Variants in AGBL4 observed in about 807,000 individuals in gnomAD.
The protein encoded by AGBL4 is AGBL carboxypeptidase 4.
AGBL4 carries 58 observed loss-of-function variants against 66.4 expected under a neutral mutation model. The observed-to-expected ratio is 0.87, with a 90% CI of 0.71 to 1.09. AGBL4 has a LOEUF of 1.09. AGBL4 is among the 50% of genes least tolerant of loss of function. The pLI is 0.00. For missense variants in AGBL4, 579 were observed against 631.0 expected, an observed-to-expected ratio of 0.92 and a Z score of 0.88; for synonymous variants, 234 against 222.9, an observed-to-expected ratio of 1.05 and a Z score of -0.44.
At chr1:49,442,573 AATAAC>A (rs1337436844) in intron 3 of AGBL4, among the ~76,000 whole-genome samples, 1 of 152,216 alleles carries the variant, frequency 6.6e-6, no homozygotes, top group Non-Finnish European at 1.5e-5. Flanking sequence ...CATTGCTGCA[AATAAC>A]ATGATTTCAC....
chr1:48,884,301 T>TTTTTGTTTTG (rs59795430), intron 5 of AGBL4, among the ~76,000 whole-genome samples: 9 of 151,298 alleles, frequency 5.9e-5, no homozygotes, highest in African/African-American at 1.2e-4. Context: ...TTTGTTTGTT[T>TTTTTGTTTTG]TTTTGTTTTG....
At chr1:49,732,001 G>T (rs1337007221) in intron 2 of AGBL4, among the ~76,000 whole-genome samples, 1 of 152,182 alleles carries the variant, frequency 6.6e-6, no homozygotes, top group Non-Finnish European at 1.5e-5. Context: ...TGAAAAATCT[G>T]CTATGTAAGG....
intron 5 of AGBL4, among the ~76,000 whole-genome samples, chr1:48,987,417 T>A (rs1660263420): frequency 6.6e-6 from 1 of 151,982 alleles, no homozygotes; most frequent in Non-Finnish European, 1.5e-5. Context: ...TTACCAGGGA[T>A]AAAGAGAGTA....
At chr1:49,045,530 A>C in intron 5 of AGBL4, 54 bp downstream of exon 5, 1 of 1,514,628 alleles carries the variant, frequency 6.6e-7, no homozygotes, top group Non-Finnish European at 9.0e-7. Context: ...TTAAGTCCCT[A>C]TCCCAAGTTT....
intron 4 of AGBL4, among the ~76,000 whole-genome samples, chr1:49,058,144 G>C (rs554753233): frequency 6.6e-6 from 1 of 152,316 alleles, no homozygotes; most frequent in African/African-American, 2.4e-5. Context: ...CTACAGTGCA[G>C]AATCCTGCAA....
chr1:49,840,211 TTCC>T (rs1331182700), intron 2 of AGBL4, among the ~76,000 whole-genome samples: 1 of 152,166 alleles, frequency 6.6e-6, no homozygotes, highest in African/African-American at 2.4e-5. Flanking sequence ...CATAGTGTGC[TTCC>T]AGGAATTTAA....
chr1:49,747,973 T>C (rs936378382), intron 2 of AGBL4, among the ~76,000 whole-genome samples: 13 of 150,412 alleles, frequency 8.6e-5, no homozygotes, highest in African/African-American at 2.7e-4. Flanking sequence ...TGTGTGTGTG[T>C]GCATGCAGAC....
chr1:49,021,362 GT>G, intron 5 of AGBL4, among the ~76,000 whole-genome samples: 1 of 152,254 alleles, frequency 6.6e-6, no homozygotes, highest in South Asian at 2.1e-4. Context: ...GAACGTTTGT[GT>G]CCCCTTCCCT....
chr1:49,403,473 G>A lies in AGBL4; in HGVS notation c.283-157609C>T, dbSNP rs111410513. On this transcript the variant is annotated intron_variant, in intron 3 of 13. Transcript: ENST00000371839. ...TTTAATCTCTCTGTTAAATTTATCT[G>A]TTAGAATTCTAAATTCCTTCTCTGT... 8.7e-3 allele frequency among the ~76,000 whole-genome samples: 1,319 copies of A among 152,124 alleles called. 15 individuals carry two copies. Among genetic ancestry groups the A allele is most frequent in the African/African-American group, 0.031 (1,266 of 41,500 alleles).
intron 3 of AGBL4, among the ~76,000 whole-genome samples, chr1:49,658,058 G>C (rs1646183736): frequency 6.6e-6 from 1 of 152,140 alleles, no homozygotes. Context: ...ACTACCATCA[G>C]AGTGAATAGG....
At chr1:49,917,571 A>C (rs866861058) in intron 1 of AGBL4, among the ~76,000 whole-genome samples, 50 of 152,194 alleles carry the variant, frequency 3.3e-4, no homozygotes, top group Non-Finnish European at 5.1e-4. Flanking sequence ...CAGGAGCACC[A>C]AGATTCATAA....
intron 3 of AGBL4, among the ~76,000 whole-genome samples, chr1:49,603,926 GTATACACACACA>G (rs1173901578): frequency 1.9e-5 from 2 of 106,040 alleles, no homozygotes; most frequent in Admixed American, 2.3e-4. Flanking sequence ...GTATTCCATG[GTATACACACACA>G]CACACACACA....
intron 3 of AGBL4, among the ~76,000 whole-genome samples, chr1:49,499,239 T>G (rs1647898295): frequency 6.6e-6 from 1 of 152,128 alleles, no homozygotes; most frequent in South Asian, 2.1e-4. Flanking sequence ...TTCTCAACAT[T>G]TGTGTGTTCA....
At chr1:49,749,369 CTG>C (rs1651267005) in intron 2 of AGBL4, among the ~76,000 whole-genome samples, 1 of 152,070 alleles carries the variant, frequency 6.6e-6, no homozygotes, top group Non-Finnish European at 1.5e-5. Context: ...GTCTACATAT[CTG>C]TTTTGGTACC....
chr1:49,162,662 T>C (rs1305358531), intron 4 of AGBL4, among the ~76,000 whole-genome samples: 1 of 152,076 alleles, frequency 6.6e-6, no homozygotes, highest in Admixed American at 6.6e-5. Context: ...AGTAGACAGG[T>C]TTTGGACTTT....
At chr1:49,710,873 C>T (rs143629849) in intron 2 of AGBL4, among the ~76,000 whole-genome samples, 27 of 151,536 alleles carry the variant, frequency 1.8e-4, no homozygotes, top group African/African-American at 5.6e-4. Context: ...ACAAAGAACT[C>T]TTATGAAGCA....
At chr1:48,660,226 C>G (rs1646085880) in intron 7 of AGBL4, among the ~76,000 whole-genome samples, 1 of 152,222 alleles carries the variant, frequency 6.6e-6, no homozygotes, top group Non-Finnish European at 1.5e-5. Context: ...CCCTGCTACC[C>G]TTGCTGCCAC....
At chr1:49,112,787 T>G (rs1448213018) in intron 4 of AGBL4, among the ~76,000 whole-genome samples, 1 of 152,164 alleles carries the variant, frequency 6.6e-6, no homozygotes, top group Non-Finnish European at 1.5e-5. Context: ...CAGGCTCCAC[T>G]TCTAATTCTA....
intron 1 of AGBL4, among the ~76,000 whole-genome samples, chr1:49,857,271 T>C (rs1179203344): frequency 1.3e-5 from 2 of 152,096 alleles, no homozygotes; most frequent in African/African-American, 4.8e-5. Flanking sequence ...ATTAGAAGAA[T>C]AGCATTGTTA....
Sources: gnomAD v4.1 joint callset for allele counts (sites outside exome capture counted in the v4.1 genomes callset) on GRCh38, gnomAD v4.1.1 for gene constraint, MANE v1.5 for transcripts, NCBI Gene and HGNC (gene_info 2026-07-23, HGNC 2026-07-21) for gene names.